The following ALKAL1 variants were observed in gnomAD, a reference collection of about 807,000 sequenced individuals.
ALKAL1 encodes the protein AUG-beta.
ALKAL1 carries 23 observed loss-of-function variants against 13.5 expected under a neutral mutation model. That is an observed-to-expected ratio of 1.70 (90% CI 1.23 to 2.41). The LOEUF is 2.41. ALKAL1 is among the 30% of genes most tolerant of loss of function. The pLI, the probability that ALKAL1 is intolerant of heterozygous loss-of-function variation, is 0.00. For missense variants in ALKAL1, 181 were observed against 178.4 expected, an observed-to-expected ratio of 1.01 and a Z score of -0.08; for synonymous variants, 85 against 77.7, an observed-to-expected ratio of 1.09 and a Z score of -0.49.
In ALKAL1 at chr8:52,534,585, C is replaced by T. The variant is rs761531365; in HGVS notation, c.*28G>A. The T allele has an allele frequency of 1.3e-5, 8 of 599,712 alleles. No individual in the cohort carries two copies. The South Asian group carries it at 1.7e-4, about 13-fold the overall frequency. The allele number at this position is 599,712 out of a possible 1,614,324, so 37.1% of individuals were successfully genotyped here. ...GCACTTTTTCTTCAAATTAGATGTA[C>T]ATTCTTAGGAAATGTCTGTGGGGGT... On this transcript the variant is annotated 3_prime_UTR_variant, in exon 5 of 5. Transcript: ENST00000358543.
chr8:52,556,646 CAAAAA>C (rs59483863), intron 1 of ALKAL1, among the ~76,000 whole-genome samples: 8 of 51,372 alleles, frequency 1.6e-4, no homozygotes, highest in Non-Finnish European at 2.7e-4. Flanking sequence ...AACTCTGTCT[CAAAAA>C]AAAAAAAAAA....
At chr8:52,543,248 T>C (rs887005905) in intron 1 of ALKAL1, among the ~76,000 whole-genome samples, 3 of 152,230 alleles carry the variant, frequency 2.0e-5, no homozygotes, top group Non-Finnish European at 4.4e-5. Flanking sequence ...GGTTTGTTGG[T>C]AGGTATACAT....
intron 1 of ALKAL1, among the ~76,000 whole-genome samples, chr8:52,561,912 G>A (rs911682406): frequency 6.6e-6 from 1 of 152,176 alleles, no homozygotes. Context: ...TACATCAATA[G>A]TTGCTAACAG....
intron 1 of ALKAL1, among the ~76,000 whole-genome samples, chr8:52,550,458 A>G (rs1288985627): frequency 6.6e-6 from 1 of 152,204 alleles, no homozygotes; most frequent in Non-Finnish European, 1.5e-5. Context: ...AGTTGCAAGC[A>G]CTTTCTCAAA....
chr8:52,557,980 A>G (rs1363262864), intron 1 of ALKAL1, among the ~76,000 whole-genome samples: 20 of 148,034 alleles, frequency 1.4e-4, no homozygotes, highest in African/African-American at 2.8e-4. Flanking sequence ...AAAAAAAAAA[A>G]AAGAAGAAGA....
At chr8:52,548,217 G>A (rs1178628994) in intron 1 of ALKAL1, among the ~76,000 whole-genome samples, 1 of 152,044 alleles carries the variant, frequency 6.6e-6, no homozygotes, top group East Asian at 1.9e-4. Context: ...CGGGCATGGT[G>A]GCACACACCT....
chr8:52,539,850 C>G lies in ALKAL1; in HGVS notation c.306G>C (p.Arg102Ser), dbSNP rs149762317. 4.3e-6 allele frequency: 7 copies of G among 1,612,844 alleles called. No homozygotes were observed. The highest frequency in any genetic ancestry group is 5.9e-6 in the Non-Finnish European group (7 of 1,179,524). The part of the protein sequence containing the change: ...KHFHRLYYNT[R>S]ECSTPAYYKR... ...ACTTACAAGCTGGCGTTGAGCACTCCCTGGTATTGTAATAGAGTCGGTGGA... is the reference window on the plus strand; with the variant it reads ...ACTTACAAGCTGGCGTTGAGCACTCGCTGGTATTGTAATAGAGTCGGTGGA... Residue 102 changes from arginine (R) to serine (S), a missense_variant, in exon 3 of 5, where the codon AGG (arginine) becomes AGC (serine). By Grantham distance (110) the Arg-to-Ser change is moderately radical. Transcript: ENST00000358543.
intron 1 of ALKAL1, among the ~76,000 whole-genome samples, chr8:52,553,177 A>C (rs1440122489): frequency 6.6e-6 from 1 of 152,158 alleles, no homozygotes; most frequent in Non-Finnish European, 1.5e-5. Flanking sequence ...GCGAGACTCT[A>C]TCTCTACAAA....
Position 52,565,209 on chromosome 8 carries a change from C to T in ALKAL1, c.48G>A (p.Leu16=). The T allele has an allele frequency of 1.5e-6, 2 of 1,338,412 alleles. No individual in the cohort carries two copies. Among genetic ancestry groups the T allele is most frequent in the Non-Finnish European group, 1.9e-6 (2 of 1,037,344 alleles). The allele number at this position is 1,338,412 out of a possible 1,614,324, so 82.9% of individuals were successfully genotyped here. Residue 16 remains leucine, a synonymous_variant, in exon 1 of 5, where the codon CTG becomes CTA. Transcript: ENST00000358543. ...CTCCGTGCGGGGACAAAGCCAGCGC[C>T]AGCAGGAAGAGTGCGGGCAAAGGGG... is the stretch of plus-strand genomic sequence containing the variant. ...PGAPLPALFL[L]ALALSPHGAH... is the part of the protein sequence containing the mutation.
chr8:52,557,936 A>T (rs1438569707), intron 1 of ALKAL1, among the ~76,000 whole-genome samples: 2 of 150,728 alleles, frequency 1.3e-5, no homozygotes, highest in East Asian at 3.9e-4. Flanking sequence ...ACTGCACTCC[A>T]GCCTGGGCAA....
chr8:52,542,505 T>A (rs1847324524), intron 1 of ALKAL1, 60 bp from the exon 2 acceptor site: 1 of 1,033,594 alleles, frequency 9.7e-7, no homozygotes, highest in Admixed American at 2.2e-5. Context: ...TTTAAAAATA[T>A]CCTTAATATG....
chr8:52,538,591 A>T lies in ALKAL1; in HGVS notation c.326-84T>A, dbSNP rs1030651386. ...CCTGTTATTATTGTCACTAATTCAT[A>T]TAACAATAACTACAGTTTAATAAAT... On this transcript the variant is annotated intron_variant, in intron 3 of 4. Coordinates refer to ENST00000358543, the MANE Select transcript of ALKAL1 (RefSeq NM_207413.4). 9.6e-6 allele frequency: 8 copies of T among 835,634 alleles called. No homozygotes were observed. The South Asian group carries it at 1.3e-4, about 13-fold the overall frequency. 51.8% of individuals were successfully genotyped at this position (835,634 alleles called of 1,614,324 possible). A position where few individuals can be genotyped will look rare whatever the true frequency, so the allele number is the denominator to read the frequency against.
At chr8:52,540,011 A>T in intron 2 of ALKAL1, 100 bp from the exon 3 acceptor site, 1 of 940,038 alleles carries the variant, frequency 1.1e-6, no homozygotes, top group East Asian at 2.6e-5. Context: ...AGCACTTTAC[A>T]TCCTTCCATA....
At position 52,555,922 on chromosome 8, in the gene ALKAL1, G is replaced by A. The variant is rs115373239; in HGVS notation, c.190+9145C>T. On this transcript the variant is annotated intron_variant, in intron 1 of 4. Coordinates refer to ENST00000358543, the MANE Select transcript of ALKAL1 (RefSeq NM_207413.4). Reference sequence around the variant, plus strand: ...TCCTTCATGATAGTCATTTCCATGCGTCTGTGTCCATACTATCTCTGGTTA... The same window carrying A: ...TCCTTCATGATAGTCATTTCCATGCATCTGTGTCCATACTATCTCTGGTTA... 5.1e-3 allele frequency among the ~76,000 whole-genome samples: 776 copies of A among 152,166 alleles called. 13 individuals are homozygous for A. Among genetic ancestry groups the A allele is most frequent in the African/African-American group, 0.017 (723 of 41,474 alleles).
At chr8:52,539,071 C>T (rs1424230819) in intron 3 of ALKAL1, among the ~76,000 whole-genome samples, 2 of 151,976 alleles carry the variant, frequency 1.3e-5, no homozygotes, top group African/African-American at 4.8e-5. Flanking sequence ...GGATTACAGT[C>T]GTGAGCCAAC....
intron 1 of ALKAL1, among the ~76,000 whole-genome samples, chr8:52,552,303 G>C (rs191861967): frequency 2.4e-4 from 36 of 152,242 alleles, no homozygotes; most frequent in African/African-American, 8.2e-4. Context: ...CCTGTGAAGG[G>C]TGCACACTTT....
chr8:52,551,463 AT>A (rs531619339), intron 1 of ALKAL1, among the ~76,000 whole-genome samples: 1,587 of 130,274 alleles, frequency 0.012, 9 homozygotes, highest in African/African-American at 0.024. Flanking sequence ...CGGCTAATTC[AT>A]TTTTTTTTTT....
chr8:52,539,579 A>G (rs1847293440), intron 3 of ALKAL1, among the ~76,000 whole-genome samples: 1 of 152,148 alleles, frequency 6.6e-6, no homozygotes, highest in South Asian at 2.1e-4. Flanking sequence ...AAATCCTAAC[A>G]AACACTTTAG....
At chr8:52,542,276 A>T (rs1490663394) in intron 2 of ALKAL1, 116 bp downstream of exon 2, 2 of 658,536 alleles carry the variant, frequency 3.0e-6, no homozygotes, top group Non-Finnish European at 5.2e-6. Context: ...CATCTCCCCA[A>T]CTGGACCATG....
Sources: allele counts gnomAD v4.1 joint callset (sites outside exome capture counted in the v4.1 genomes callset), GRCh38; gene constraint gnomAD v4.1.1; transcripts MANE v1.5; gene names NCBI Gene and HGNC (gene_info 2026-07-23, HGNC 2026-07-21).